SCHIP1: variants seen among roughly 807,000 people sequenced by gnomAD.
SCHIP1 encodes the protein schwannomin-interacting protein 1.
Under a neutral mutation model 29.7 loss-of-function variants are expected in SCHIP1, and 8 were observed. The ratio of observed to expected loss-of-function variants is 0.27; its 90% CI spans 0.16 to 0.49. The LOEUF is 0.49. Among genes scored for constraint, SCHIP1 ranks in the 20% least tolerant of loss-of-function variants. The pLI, the probability that SCHIP1 is intolerant of heterozygous loss-of-function variation, is 0.99. For missense variants in SCHIP1, 193 were observed against 294.6 expected, an observed-to-expected ratio of 0.66 and a Z score of 2.52; for synonymous variants, 76 against 94.9, an observed-to-expected ratio of 0.80 and a Z score of 1.16.
chr3:159,479,201 T>G, the SCHIP1 span, among the ~76,000 whole-genome samples: 1 of 152,166 alleles, frequency 6.6e-6, no homozygotes. Context: ...AGATTAAAAT[T>G]TTGGCAATGA....
At chr3:159,342,674 A>G in the SCHIP1 span, among the ~76,000 whole-genome samples, 2 of 152,222 alleles carry the variant, frequency 1.3e-5, no homozygotes, top group Non-Finnish European at 2.9e-5. Flanking sequence ...TTGCCATTTG[A>G]TAATGAACAG....
the SCHIP1 span, among the ~76,000 whole-genome samples, chr3:159,815,463 A>T: frequency 2.6e-5 from 4 of 152,162 alleles, no homozygotes; most frequent in Admixed American, 6.5e-5. Flanking sequence ...CTTATAGTTG[A>T]CACCTTGGGG....
the SCHIP1 span, among the ~76,000 whole-genome samples, chr3:159,377,336 T>A: frequency 1.3e-5 from 2 of 152,374 alleles, no homozygotes; most frequent in African/African-American, 4.8e-5. Flanking sequence ...CCGGAATCAC[T>A]GTCTTCCAAG....
chr3:159,281,578 G>A, the SCHIP1 span, among the ~76,000 whole-genome samples: 7 of 152,122 alleles, frequency 4.6e-5, no homozygotes, highest in Non-Finnish European at 1.0e-4. Flanking sequence ...CTGTGTCAGT[G>A]GAAGAAGGGA....
intron 5 of SCHIP1, 140 bp from the exon 7 acceptor site, chr3:159,891,957 A>G (rs112526970): frequency 1.1e-6 from 1 of 910,900 alleles, no homozygotes; most frequent in South Asian, 2.1e-5. Context: ...ACGTTTCTGC[A>G]ACATACGATG....
chr3:159,772,232 C>T, the SCHIP1 span, among the ~76,000 whole-genome samples: 26 of 152,144 alleles, frequency 1.7e-4, no homozygotes, highest in Non-Finnish European at 3.7e-4. Flanking sequence ...CTCGCTGCAA[C>T]CCCCATCTCC....
chr3:159,436,766 G>A, the SCHIP1 span, among the ~76,000 whole-genome samples: 1 of 152,140 alleles, frequency 6.6e-6, no homozygotes, highest in Non-Finnish European at 1.5e-5. Context: ...TGGCTTAGGT[G>A]TCAGGTACAA....
intron 6 of SCHIP1, chr3:159,892,413 A>G: frequency 1.6e-6 from 1 of 607,768 alleles, no homozygotes; most frequent in Non-Finnish European, 2.9e-6. Flanking sequence ...ATGAATTGTC[A>G]GTGCATTACT....
chr3:159,433,968 T>C, the SCHIP1 span, among the ~76,000 whole-genome samples: 429 of 152,320 alleles, frequency 2.8e-3, no homozygotes, highest in African/African-American at 9.7e-3. Context: ...CTTGTAGTTA[T>C]AGTACTTGTC....
chr3:159,507,981 T>A, the SCHIP1 span, among the ~76,000 whole-genome samples: 2 of 152,218 alleles, frequency 1.3e-5, no homozygotes, highest in East Asian at 1.9e-4. Context: ...GCTGGCCTCA[T>A]AAAATGAGTT....
chr3:159,419,080 G>T, the SCHIP1 span, among the ~76,000 whole-genome samples: 564 of 152,314 alleles, frequency 3.7e-3, 2 homozygotes, highest in African/African-American at 0.013. Flanking sequence ...AAAACATGAG[G>T]CAGCTGCTGG....
At chr3:159,812,855 G>A in the SCHIP1 span, among the ~76,000 whole-genome samples, 2 of 152,156 alleles carry the variant, frequency 1.3e-5, no homozygotes, top group African/African-American at 2.4e-5. Flanking sequence ...AATTCCAGAG[G>A]CTGGGAAGTC....
chr3:159,404,897 C>G, the SCHIP1 span, among the ~76,000 whole-genome samples: 1 of 152,144 alleles, frequency 6.6e-6, no homozygotes, highest in Non-Finnish European at 1.5e-5. Context: ...GTGACATAGG[C>G]GTTTGTGTCA....
At chr3:159,553,967 C>CGTGTGTGTGTGTGTGTGTGTGTGTGTGT in the SCHIP1 span, among the ~76,000 whole-genome samples, 138 of 115,790 alleles carry the variant, frequency 1.2e-3, no homozygotes, top group East Asian at 3.9e-3. Context: ...CGCCCAGCTA[C>CGTGTGTGTGTGTGTGTGTGTGTGTGTGT]GTGTGTGTGT....
the SCHIP1 span, among the ~76,000 whole-genome samples, chr3:159,828,368 TATATATAC>T: frequency 3.5e-5 from 4 of 115,674 alleles, no homozygotes; most frequent in African/African-American, 1.3e-4. Flanking sequence ...CCTTTATATA[TATATATAC>T]ATATATATAT....
chr3:159,712,452 C>G, the SCHIP1 span, among the ~76,000 whole-genome samples: 2 of 152,162 alleles, frequency 1.3e-5, no homozygotes, highest in Non-Finnish European at 2.9e-5. Flanking sequence ...TCTGGTGGCT[C>G]ATGCCTGTAA....
the SCHIP1 span, among the ~76,000 whole-genome samples, chr3:159,425,915 A>G: frequency 0.017 from 2,652 of 152,328 alleles, 83 homozygotes; most frequent in African/African-American, 0.062. Context: ...ACTACATGGA[A>G]GCTGAATAAC....
At chr3:159,307,034 T>G in the SCHIP1 span, among the ~76,000 whole-genome samples, 1 of 152,212 alleles carries the variant, frequency 6.6e-6, no homozygotes, top group African/African-American at 2.4e-5. Flanking sequence ...AGAAAAAATG[T>G]TCATTGCAGT....
chr3:159,381,898 A>G, the SCHIP1 span, among the ~76,000 whole-genome samples: 1 of 152,028 alleles, frequency 6.6e-6, no homozygotes. Flanking sequence ...GTGTCCAGCC[A>G]TTTGCCTGGA....
Sources: gnomAD v4.1 joint callset for allele counts (sites outside exome capture counted in the v4.1 genomes callset) on GRCh38, gnomAD v4.1.1 for gene constraint, MANE v1.5 for transcripts, NCBI Gene and HGNC (gene_info 2026-07-23, HGNC 2026-07-21) for gene names.